Variants in GPR158 observed in about 807,000 individuals in gnomAD.
GPR158 encodes metabotropic glycine receptor.
GPR158 carries 30 observed loss-of-function variants against 78.2 expected under a neutral mutation model. The observed-to-expected ratio is 0.38, with a 90% CI of 0.29 to 0.52. The LOEUF (loss-of-function observed/expected upper bound fraction) is 0.52. Ranked by LOEUF, GPR158 falls within the 20% of genes least tolerant of loss-of-function variation. The pLI is 0.83. For missense variants in GPR158, 1,463 were observed against 1,523.5 expected, an observed-to-expected ratio of 0.96 and a Z score of 0.66; for synonymous variants, 581 against 591.1, an observed-to-expected ratio of 0.98 and a Z score of 0.25.
intron 2 of GPR158, among the ~76,000 whole-genome samples, chr10:25,395,241 T>C (rs1330987628): frequency 6.6e-6 from 1 of 152,196 alleles, no homozygotes; most frequent in Non-Finnish European, 1.5e-5. Context: ...TTGTTTATGA[T>C]AGTGAAATAT....
chr10:25,412,217 A>G, intron 3 of GPR158, 33 bp from the exon 4 acceptor site: 3 of 1,454,086 alleles, frequency 2.1e-6, no homozygotes, highest in Non-Finnish European at 2.9e-6. Flanking sequence ...TAAGAGGTGC[A>G]AATGACACTG....
chr10:25,369,834 T>C (rs1041381273), intron 2 of GPR158, among the ~76,000 whole-genome samples: 20 of 150,976 alleles, frequency 1.3e-4, no homozygotes, highest in Admixed American at 6.0e-4. Flanking sequence ...TGATTATTGC[T>C]ACAATTTCAG....
At chr10:25,214,188 G>A (rs1853174240) in intron 1 of GPR158, among the ~76,000 whole-genome samples, 1 of 152,018 alleles carries the variant, frequency 6.6e-6, no homozygotes, top group Non-Finnish European at 1.5e-5. Context: ...TAGAGACGGG[G>A]TTTCACTGTG....
intron 2 of GPR158, among the ~76,000 whole-genome samples, chr10:25,325,339 C>T (rs2130484242): frequency 6.6e-6 from 1 of 152,236 alleles, no homozygotes; most frequent in African/African-American, 2.4e-5. Flanking sequence ...AGCATAATGT[C>T]CTCCAGGTCC....
At chr10:25,559,349 C>T (rs1300917502) in intron 6 of GPR158, among the ~76,000 whole-genome samples, 1 of 151,952 alleles carries the variant, frequency 6.6e-6, no homozygotes, top group East Asian at 1.9e-4. Context: ...AGTAAGTATT[C>T]AGTGGGGTAA....
intron 2 of GPR158, among the ~76,000 whole-genome samples, chr10:25,247,209 G>A (rs997731177): frequency 1.3e-5 from 2 of 151,766 alleles, no homozygotes; most frequent in African/African-American, 2.4e-5. Flanking sequence ...TTGATGTTGT[G>A]TCAACTATCT....
At chr10:25,197,695 G>C (rs963683812) in intron 1 of GPR158, among the ~76,000 whole-genome samples, 1 of 152,068 alleles carries the variant, frequency 6.6e-6, no homozygotes, top group Non-Finnish European at 1.5e-5. Context: ...AACATGCTTT[G>C]TTCTTATTTC....
chr10:25,461,353 C>T (rs1588874774), intron 4 of GPR158, among the ~76,000 whole-genome samples: 1 of 152,216 alleles, frequency 6.6e-6, no homozygotes, highest in East Asian at 1.9e-4. Flanking sequence ...GATAAGAAAG[C>T]AAAACAGGCT....
intron 2 of GPR158, among the ~76,000 whole-genome samples, chr10:25,293,024 A>G (rs1409182574): frequency 6.6e-6 from 1 of 152,228 alleles, no homozygotes; most frequent in Non-Finnish European, 1.5e-5. Context: ...AGTTAAAGAC[A>G]GCACACAAAA....
At chr10:25,235,973 G>A (rs1287568915) in intron 2 of GPR158, among the ~76,000 whole-genome samples, 4 of 152,052 alleles carry the variant, frequency 2.6e-5, no homozygotes, top group African/African-American at 9.7e-5. Flanking sequence ...TGGGATTACA[G>A]GCGTGAGCCA....
rs147960695 is a variant in GPR158 at position 25,327,324 on chromosome 10, G to T, written c.1009-68587G>T. Among the ~76,000 whole-genome samples the T allele has an allele frequency of 5.1e-3, 782 of 152,108 alleles. 1 individual carries two copies. Among genetic ancestry groups the T allele is most frequent in the Non-Finnish European group, 7.6e-3 (520 of 67,994 alleles). On this transcript the variant is annotated intron_variant, in intron 2 of 10. Transcript: ENST00000376351. ...CCTGAAGCCTTGATTCAGTCACCTG[G>T]ACAACCTAATTCCATTGACTTCTCC...
chr10:25,190,936 A>G (rs1279716321), intron 1 of GPR158, among the ~76,000 whole-genome samples: 1 of 152,194 alleles, frequency 6.6e-6, no homozygotes, highest in Non-Finnish European at 1.5e-5. Context: ...TGTTGTGAAT[A>G]TTAGAGATGA....
intron 5 of GPR158, among the ~76,000 whole-genome samples, chr10:25,525,923 A>G (rs1355905239): frequency 6.6e-6 from 1 of 151,980 alleles, no homozygotes; most frequent in African/African-American, 2.4e-5. Flanking sequence ...CCTGGCCAAC[A>G]TGATGAAACC....
At chr10:25,213,475 T>C (rs948097580) in intron 1 of GPR158, among the ~76,000 whole-genome samples, 3 of 152,176 alleles carry the variant, frequency 2.0e-5, no homozygotes, top group Non-Finnish European at 1.5e-5. Context: ...TATTCCACTA[T>C]ATCATGACAT....
chr10:25,327,362 G>A (rs1855050975), intron 2 of GPR158, among the ~76,000 whole-genome samples: 1 of 152,026 alleles, frequency 6.6e-6, no homozygotes, highest in South Asian at 2.1e-4. Flanking sequence ...GTTTTCTGTG[G>A]CCTTAACAAT....
chr10:25,224,896 C>A (rs991460627), intron 2 of GPR158, among the ~76,000 whole-genome samples: 16 of 152,118 alleles, frequency 1.1e-4, no homozygotes, highest in African/African-American at 3.9e-4. Context: ...TGAATCTCTT[C>A]ATGTTAAATA....
chr10:25,447,174 A>G (rs1835147900), intron 4 of GPR158, among the ~76,000 whole-genome samples: 1 of 152,208 alleles, frequency 6.6e-6, no homozygotes, highest in Non-Finnish European at 1.5e-5. Context: ...ATTTATAGAT[A>G]ATATTTTAAA....
intron 2 of GPR158, among the ~76,000 whole-genome samples, chr10:25,302,363 C>A (rs1306458887): frequency 6.6e-6 from 1 of 151,902 alleles, no homozygotes; most frequent in African/African-American, 2.4e-5. Flanking sequence ...GGATTACAGG[C>A]GTGAGCCACC....
At chr10:25,399,218 G>C (rs1834409172) in intron 3 of GPR158, among the ~76,000 whole-genome samples, 1 of 152,080 alleles carries the variant, frequency 6.6e-6, no homozygotes, top group Non-Finnish European at 1.5e-5. Flanking sequence ...ACTATCATGA[G>C]AATGGCATAG....
Sources: gnomAD v4.1 joint callset for allele counts (sites outside exome capture counted in the v4.1 genomes callset) on GRCh38, gnomAD v4.1.1 for gene constraint, MANE v1.5 for transcripts, NCBI Gene and HGNC (gene_info 2026-07-23, HGNC 2026-07-21) for gene names.